Variants in TXLNB observed in about 807,000 individuals in gnomAD.
The protein encoded by TXLNB is beta-taxilin.
Under a neutral mutation model 57.4 loss-of-function variants are expected in TXLNB, and 37 were observed. The ratio of observed to expected loss-of-function variants is 0.64; its 90% CI spans 0.50 to 0.85. The LOEUF is 0.85. TXLNB is among the 40% of genes least tolerant of loss of function. The pLI, the probability that TXLNB is intolerant of heterozygous loss-of-function variation, is 0.00. For missense variants in TXLNB, 848 were observed against 825.6 expected, an observed-to-expected ratio of 1.03 and a Z score of -0.33; for synonymous variants, 302 against 309.6, an observed-to-expected ratio of 0.98 and a Z score of 0.26.
chr6:139,249,378 T>C (rs377629677), intron 7 of TXLNB, among the ~76,000 whole-genome samples: 3 of 152,366 alleles, frequency 2.0e-5, no homozygotes, highest in African/African-American at 2.4e-5. Context: ...GTGTCCAGAA[T>C]AGTCCCAAGT....
intron 2 of TXLNB, chr6:139,287,382 C>T (rs1032775290): frequency 6.6e-6 from 1 of 152,194 alleles, no homozygotes; most frequent in Non-Finnish European, 1.5e-5. Flanking sequence ...TACCTGCTCA[C>T]TGCAGAAAAA....
the TXLNB span, chr6:139,180,254 TTAGG>T: frequency 6.6e-6 from 1 of 152,310 alleles, no homozygotes; most frequent in Admixed American, 6.5e-5. Context: ...AAGAATCTTA[TTAGG>T]TATTTGAACT....
chr6:139,243,480 G>T (rs950362521), intron 9 of TXLNB, among the ~76,000 whole-genome samples, 166 bp from the exon 10 acceptor site: 5 of 148,504 alleles, frequency 3.4e-5, no homozygotes, highest in African/African-American at 1.0e-4. Flanking sequence ...CTTGGTCATG[G>T]ACATCACTTT....
chr6:139,162,230 G>A, the TXLNB span, among the ~76,000 whole-genome samples: 1 of 152,088 alleles, frequency 6.6e-6, no homozygotes, highest in Admixed American at 6.6e-5. Flanking sequence ...GGAGGAGAAG[G>A]GTTGGAGTCA....
the TXLNB span, among the ~76,000 whole-genome samples, chr6:139,214,658 G>A: frequency 5.3e-5 from 8 of 152,110 alleles, no homozygotes; most frequent in Admixed American, 2.0e-4. Context: ...GAAATAAAGG[G>A]CATTCAATTA....
At chr6:139,248,856 A>G (rs1171187944) in intron 7 of TXLNB, among the ~76,000 whole-genome samples, 2 of 152,264 alleles carry the variant, frequency 1.3e-5, no homozygotes, top group African/African-American at 4.8e-5. Context: ...TGGGCTGGAC[A>G]CGGACAAGGG....
the TXLNB span, among the ~76,000 whole-genome samples, chr6:139,190,466 T>A: frequency 6.6e-6 from 1 of 151,994 alleles, no homozygotes; most frequent in African/African-American, 2.4e-5. Context: ...CCCACCGCCA[T>A]GCCCAGCTAA....
At chr6:139,193,241 C>CTTTTTTTTTTTTTTTTTTTTTTTTTTTTT in the TXLNB span, among the ~76,000 whole-genome samples, 2 of 101,212 alleles carry the variant, frequency 2.0e-5, no homozygotes, top group Non-Finnish European at 2.0e-5. Flanking sequence ...CTTTGACCCT[C>CTTTTTTTTTTTTTTTTTTTTTTTTTTTTT]TTTTTTTTTT....
chr6:139,195,497 T>G, the TXLNB span, among the ~76,000 whole-genome samples: 1 of 152,188 alleles, frequency 6.6e-6, no homozygotes, highest in South Asian at 2.1e-4. Context: ...CATGGAATTA[T>G]CCAGAATATG....
the TXLNB span, chr6:139,180,862 A>G: frequency 2.6e-5 from 4 of 152,612 alleles, no homozygotes; most frequent in East Asian, 7.7e-4. Context: ...GAGCAGTGGG[A>G]TTGTCTGGTC....
chr6:139,250,288 C>T (rs921248815), intron 7 of TXLNB, among the ~76,000 whole-genome samples: 3 of 151,678 alleles, frequency 2.0e-5, no homozygotes, highest in African/African-American at 7.3e-5. Context: ...GCCACTGTAC[C>T]CAGCCAATCA....
chr6:139,315,208 G>A, the TXLNB span, among the ~76,000 whole-genome samples: 1 of 151,960 alleles, frequency 6.6e-6, no homozygotes, highest in Non-Finnish European at 1.5e-5. Flanking sequence ...TCTCCAACCT[G>A]ACCAATCCAT....
At chr6:139,284,242 A>G (rs1777120483) in intron 2 of TXLNB, among the ~76,000 whole-genome samples, 1 of 145,314 alleles carries the variant, frequency 6.9e-6, no homozygotes, top group Non-Finnish European at 1.5e-5. Flanking sequence ...ATAAATACTC[A>G]TTGTGGGCCG....
intron 6 of TXLNB, among the ~76,000 whole-genome samples, chr6:139,258,082 G>A (rs1340082278): frequency 2.0e-5 from 3 of 152,132 alleles, no homozygotes; most frequent in East Asian, 1.9e-4. Context: ...CCCCAACCTC[G>A]AGGGAGGCTG....
the TXLNB span, among the ~76,000 whole-genome samples, chr6:139,297,850 A>G: frequency 6.6e-6 from 1 of 152,142 alleles, no homozygotes; most frequent in Non-Finnish European, 1.5e-5. Context: ...CTATTGTATC[A>G]TCTCTTGGTT....
chr6:139,280,088 T>A (rs6570324), intron 2 of TXLNB, among the ~76,000 whole-genome samples: 60,689 of 151,458 alleles, frequency 0.4, 13,400 homozygotes, highest in African/African-American at 0.6. Context: ...CCCTGCCTCT[T>A]CTAAAAATAC....
chr6:139,260,023 G>A (rs1359317753), intron 6 of TXLNB, among the ~76,000 whole-genome samples: 2 of 152,072 alleles, frequency 1.3e-5, no homozygotes, highest in African/African-American at 4.8e-5. Context: ...AGGAGTTCAA[G>A]ACCAGCCTGG....
At chr6:139,167,011 G>C in the TXLNB span, 16 of 1,614,102 alleles carry the variant, frequency 9.9e-6, no homozygotes, top group Admixed American at 3.3e-5. Context: ...CAGTTCACAG[G>C]GGGGGACACT....
intron 6 of TXLNB, among the ~76,000 whole-genome samples, chr6:139,256,528 C>T (rs1037914476): frequency 1.3e-5 from 2 of 152,206 alleles, no homozygotes; most frequent in Non-Finnish European, 2.9e-5. Flanking sequence ...CGGGGTTTTG[C>T]CATGTTGGCC....
Sources: allele counts gnomAD v4.1 joint callset (sites outside exome capture counted in the v4.1 genomes callset), GRCh38; gene constraint gnomAD v4.1.1; transcripts MANE v1.5; gene names NCBI Gene and HGNC (gene_info 2026-07-23, HGNC 2026-07-21).